RNF216: variants seen among roughly 807,000 people sequenced by gnomAD.
The protein encoded by RNF216 is E3 ubiquitin-protein ligase RNF216.
Under a neutral mutation model 110.8 loss-of-function variants are expected in RNF216, and 72 were observed. The ratio of observed to expected loss-of-function variants is 0.65; its 90% confidence interval spans 0.54 to 0.79. The LOEUF (loss-of-function observed/expected upper bound fraction) is 0.79. Ranked by LOEUF, RNF216 falls within the 30% of genes least tolerant of loss-of-function variation. RNF216 has a pLI of 0.00. For missense variants in RNF216, 1,342 were observed against 1,141.2 expected (o/e 1.18, Z -2.54); for synonymous variants, 495 against 407.5 (o/e 1.21, Z -2.59).
chr7:5,740,271 C>T (rs970084958), intron 4 of RNF216, among the ~76,000 whole-genome samples: 6 of 151,744 alleles, frequency 4.0e-5, no homozygotes, highest in Non-Finnish European at 8.8e-5. Flanking sequence ...GGACTACAGG[C>T]GCCCGCCACC....
At chr7:5,742,457 T>TA (rs917067148) in intron 3 of RNF216, among the ~76,000 whole-genome samples, 1 of 151,694 alleles carries the variant, frequency 6.6e-6, no homozygotes, top group Non-Finnish European at 1.5e-5. Flanking sequence ...AAAAAACATA[T>TA]AAAAAAATCT....
chr7:5,647,119 GAA>G (rs113731456), intron 14 of RNF216, among the ~76,000 whole-genome samples: 3 of 143,820 alleles, frequency 2.1e-5, no homozygotes, highest in Admixed American at 6.9e-5. Context: ...TGTGAAAGGT[GAA>G]AAAAAAAAAG....
At chr7:5,664,139 C>G (rs1208773779) in intron 13 of RNF216, among the ~76,000 whole-genome samples, 1 of 152,148 alleles carries the variant, frequency 6.6e-6, no homozygotes, top group East Asian at 1.9e-4. Context: ...CACATCTTCT[C>G]CATGCAGAGA....
chr7:5,655,153 AC>A (rs1359064678), intron 13 of RNF216, among the ~76,000 whole-genome samples: 1 of 152,222 alleles, frequency 6.6e-6, no homozygotes, highest in Admixed American at 6.5e-5. Context: ...GCACAGGCCC[AC>A]CAGGGCAAAA....
intron 1 of RNF216, among the ~76,000 whole-genome samples, chr7:5,771,545 C>G (rs918881403): frequency 6.6e-6 from 1 of 152,254 alleles, no homozygotes; most frequent in African/African-American, 2.4e-5. Context: ...GCCTGTAATC[C>G]CTGCACTTTG....
At chr7:5,711,862 G>A (rs938028333) in intron 12 of RNF216, 23 bp from the exon 13 acceptor site, 1 of 1,605,068 alleles carries the variant, frequency 6.2e-7, no homozygotes, top group Non-Finnish European at 8.5e-7. Context: ...CAGCAGAACT[G>A]ACATTACTTC....
chr7:5,734,427 T>G (rs1794270965), intron 5 of RNF216, among the ~76,000 whole-genome samples: 1 of 152,200 alleles, frequency 6.6e-6, no homozygotes, highest in African/African-American at 2.4e-5. Context: ...ATTTCTGGGT[T>G]GTGGTTACAC....
chr7:5,656,803 T>C (rs1022477858), intron 13 of RNF216, among the ~76,000 whole-genome samples: 2 of 152,228 alleles, frequency 1.3e-5, no homozygotes, highest in Non-Finnish European at 2.9e-5. Context: ...GAAGATTAAA[T>C]TCAATTCCAG....
At chr7:5,663,175 T>C (rs1030081865) in intron 13 of RNF216, among the ~76,000 whole-genome samples, 7 of 152,212 alleles carry the variant, frequency 4.6e-5, no homozygotes, top group Non-Finnish European at 1.0e-4. Flanking sequence ...CTTGTAATTA[T>C]CTGATTATGT....
At chr7:5,672,933 G>A (rs996385160) in intron 13 of RNF216, among the ~76,000 whole-genome samples, 1 of 152,158 alleles carries the variant, frequency 6.6e-6, no homozygotes, top group African/African-American at 2.4e-5. Context: ...TCTTGAAATT[G>A]GAAAATGTAC....
chr7:5,701,712 C>T (rs1421402776), intron 13 of RNF216, among the ~76,000 whole-genome samples: 1 of 152,126 alleles, frequency 6.6e-6, no homozygotes, highest in Non-Finnish European at 1.5e-5. Flanking sequence ...TGAGCTATAC[C>T]GTTTCCCTCA....
intron 9 of RNF216, among the ~76,000 whole-genome samples, chr7:5,720,573 T>G (rs1793356342): frequency 1.3e-5 from 2 of 152,158 alleles, no homozygotes; most frequent in South Asian, 2.1e-4. Context: ...TTCATGTTGT[T>G]CAAGGGTCAC....
chr7:5,710,378 C>CAAA (rs1212442569), intron 13 of RNF216, among the ~76,000 whole-genome samples: 23 of 149,360 alleles, frequency 1.5e-4, no homozygotes, highest in African/African-American at 5.4e-4. Flanking sequence ...AAAACAAAAA[C>CAAA]AAAAACAAAA....
chr7:5,686,223 TTA>T (rs1491424768), intron 13 of RNF216, among the ~76,000 whole-genome samples: 1 of 131,438 alleles, frequency 7.6e-6, no homozygotes, highest in African/African-American at 3.4e-5. Context: ...GACTCTGTTA[TTA>T]AAAAAAAAAA....
intron 13 of RNF216, among the ~76,000 whole-genome samples, chr7:5,663,591 A>T (rs537251498): frequency 2.4e-3 from 349 of 147,256 alleles, no homozygotes; most frequent in Non-Finnish European, 4.1e-3. Context: ...CTCAGGAAAA[A>T]AAAAAAAAAA....
intron 14 of RNF216, among the ~76,000 whole-genome samples, chr7:5,643,539 C>G (rs567501843): frequency 1.1e-4 from 17 of 152,182 alleles, no homozygotes; most frequent in Admixed American, 2.6e-4. Flanking sequence ...GTTATCTGTG[C>G]TCACCACCAG....
At chr7:5,763,623 A>G (rs1226669923) in intron 1 of RNF216, among the ~76,000 whole-genome samples, 1 of 151,948 alleles carries the variant, frequency 6.6e-6, no homozygotes, top group Non-Finnish European at 1.5e-5. Flanking sequence ...CTGGCTGGAG[A>G]GCAGCTACAC....
rs1786613787 is a variant in RNF216 at position 5,624,909 on chromosome 7, T to C, written c.2383-784A>G. 6.6e-6 allele frequency among the ~76,000 whole-genome samples: 1 copy of C among 152,170 alleles called. No individual in the cohort carries two copies. The highest frequency in any genetic ancestry group is 1.5e-5 in the Non-Finnish European group (1 of 68,004). On this transcript the variant is annotated intron_variant, in intron 15 of 16. Coordinates refer to ENST00000389902, the MANE Select transcript of RNF216 (RefSeq NM_207111.4). The surrounding 1 kb of genome is among the most constrained non-coding windows in gnomAD (Gnocchi z 4.4). ...CCCCACCTGCCAGCAGACACCATGG[T>C]GGGAGGACCGGGCTGCTGCCTCAGG...
chr7:5,725,506 C>T, intron 7 of RNF216, 68 bp from the exon 8 acceptor site: 1 of 887,706 alleles, frequency 1.1e-6, no homozygotes, highest in Non-Finnish European at 1.9e-6. Context: ...ACAGGCAATC[C>T]CTGAATGCCA....
Sources: allele counts gnomAD v4.1 joint callset (sites outside exome capture counted in the v4.1 genomes callset), GRCh38; gene constraint gnomAD v4.1.1; non-coding constraint Gnocchi (gnomAD v3.1); transcripts MANE v1.5; gene names NCBI Gene and HGNC (gene_info 2026-07-23, HGNC 2026-07-21).